TLCD2: variants seen among roughly 807,000 people sequenced by gnomAD.
The protein encoded by TLCD2 is TLC domain containing 2, also known as TLC domain-containing protein 2.
TLCD2 carries 12 observed loss-of-function variants against 14.0 expected under a neutral mutation model. That is an observed-to-expected ratio of 0.86 (90% confidence interval 0.55 to 1.39). The LOEUF (loss-of-function observed/expected upper bound fraction) is 1.39. Ranked by LOEUF, TLCD2 falls within the 40% of genes most tolerant of loss-of-function variation. TLCD2 has a pLI of 0.00. For missense variants in TLCD2, 360 were observed against 346.8 expected (o/e 1.04, Z -0.30); for synonymous variants, 166 against 156.5 (o/e 1.06, Z -0.45).
Position 1,708,200 on chromosome 17 carries a change from G to A in TLCD2, c.365C>T (p.Ala122Val). The A allele has an allele frequency of 6.5e-7, 1 of 1,531,510 alleles. No homozygotes were observed. Among genetic ancestry groups the A allele is most frequent in the Non-Finnish European group, 8.7e-7 (1 of 1,143,778 alleles). The allele number at this position is 1,531,510 out of a possible 1,614,324, so 94.9% of individuals were successfully genotyped here. The change falls in exon 4 of 4, where the codon GCT becomes GTT. Residue 122 changes from alanine (A) to valine (V), a missense_variant. Ala to Val is a moderately conservative substitution (Grantham distance 64). Transcript: ENST00000330676. ...GCCCACGTAGTGGCCAGACAGAACA[G>A]CGGTGCTGAGGCAGCTCACCACCTG... ...HLVVVSCLST[A>V]VLSGHYVGFS...
chr17:1,708,928 T>C (rs927468314), intron 3 of TLCD2, among the ~76,000 whole-genome samples: 3 of 152,078 alleles, frequency 2.0e-5, no homozygotes, highest in Non-Finnish European at 4.4e-5. Flanking sequence ...CCTGGCATGG[T>C]GGGTGCCCTT....
At chr17:1,709,345 G>A (rs904539839) in intron 3 of TLCD2, among the ~76,000 whole-genome samples, 154 bp downstream of exon 3, 8 of 127,920 alleles carry the variant, frequency 6.3e-5, no homozygotes, top group Non-Finnish European at 1.1e-4. Context: ...AACAGAGGCC[G>A]AACCACTGGA....
At position 1,709,538 on chromosome 17, in the gene TLCD2, G is replaced by A; in HGVS notation, c.303C>T (p.Thr101=). Reference sequence around the variant, plus strand: ...AGAGAAGATCCCAGGTCTTGCCCAAGGTCTGGTTCCACAGCAGGTCAGCTC... The same window carrying A: ...AGAGAAGATCCCAGGTCTTGCCCAAAGTCTGGTTCCACAGCAGGTCAGCTC... ...ADGADLLWNQ[T]LGKTWDLLCH... Residue 101 remains threonine, a synonymous_variant, in exon 3 of 4, where the codon ACC becomes ACT. Coordinates refer to ENST00000330676, the MANE Select transcript of TLCD2 (RefSeq NM_001164407.2). 1 of 1,537,134 alleles carries A rather than the reference G, an allele frequency of 6.5e-7. No individual in the cohort carries two copies. The highest frequency in any genetic ancestry group is 8.7e-7 in the Non-Finnish European group (1 of 1,146,886).
rs938325559 is a variant in TLCD2 at position 1,710,207 on chromosome 17, G to A, written c.36C>T (p.Ser12=). The A allele has an allele frequency of 1.5e-5, 23 of 1,526,692 alleles. No homozygotes were observed. Among genetic ancestry groups the A allele is most frequent in the Admixed American group, 2.0e-5 (1 of 50,630 alleles). The allele number at this position is 1,526,692 out of a possible 1,614,324, so 94.6% of individuals were successfully genotyped here. The part of the protein sequence containing the change: ...APTGLLVAGA[S]FLAFRGLHWG... ...AGTGCAGCCCCCGGAACGCGAGGAA[G>A]GAGGCGCCGGCCACCAGGAGCCCCG... The change falls in exon 1 of 4, where the codon TCC becomes TCT. Residue 12 remains serine, a synonymous_variant. Coordinates refer to ENST00000330676, the MANE Select transcript of TLCD2 (RefSeq NM_001164407.2). This position sits in a 1 kb window ranked among gnomAD's most constrained non-coding sequence, Gnocchi z 6.1.
At position 1,703,977 on chromosome 17, in the gene TLCD2, T is replaced by C. The variant is rs984284481; in HGVS notation, c.*3793A>G. On this transcript the variant is annotated 3_prime_UTR_variant, in exon 4 of 4. Coordinates refer to ENST00000330676, the MANE Select transcript of TLCD2 (RefSeq NM_001164407.2). ...TGTTGGCTCACGCATATAATCCCAG[T>C]AGTTTGGGAGCCCAAGGTGGGCGGA... is the stretch of plus-strand genomic sequence containing the variant. 42 of 151,482 alleles carry C rather than the reference T, an allele frequency of 2.8e-4. No homozygotes were observed. Among genetic ancestry groups the C allele is most frequent in the African/African-American group, 9.7e-4 (40 of 41,326 alleles). The allele number at this position is 151,482 out of a possible 1,614,324, so 9.4% of individuals were successfully genotyped here. A position where few individuals can be genotyped will look rare whatever the true frequency, so the allele number is the denominator to read the frequency against.
chr17:1,710,318 C>G lies in TLCD2; in HGVS notation c.-76G>C, dbSNP rs1914189937. The G allele has an allele frequency of 7.5e-7, 1 of 1,333,332 alleles. No individual in the cohort carries two copies. Among genetic ancestry groups the G allele is most frequent in the Admixed American group, 3.4e-5 (1 of 29,764 alleles). The allele number at this position is 1,333,332 out of a possible 1,614,324, so 82.6% of individuals were successfully genotyped here. Reference sequence around the variant, plus strand: ...CCGCGCTCTCGGCCGGGACTGGGAACCCGTTTCCCGGCAGGGCTGGGGCCC... The same window carrying G: ...CCGCGCTCTCGGCCGGGACTGGGAAGCCGTTTCCCGGCAGGGCTGGGGCCC... On this transcript the variant is annotated 5_prime_UTR_variant, in exon 1 of 4. Transcript: ENST00000330676. The surrounding 1 kb of genome is among the most constrained non-coding windows in gnomAD (Gnocchi z 6.1).
Position 1,708,085 on chromosome 17 carries a change from C to G in TLCD2, c.480G>C (p.Leu160=), listed in dbSNP as rs1207119352. The change falls in exon 4 of 4, where the codon CTG becomes CTC. Residue 160 remains leucine, a synonymous_variant. Coordinates refer to ENST00000330676, the MANE Select transcript of TLCD2 (RefSeq NM_001164407.2). ...AGGCCCAGCTGGTCACGCTGAAGGC[C>G]AGGGATGGGGCCTGGCGAGAAAGCA... is the stretch of plus-strand genomic sequence containing the variant. ...LLLLSRQAPS[L]AFSVTSWASL... is the part of the protein sequence containing the mutation. 6.5e-7 allele frequency: 1 copy of G among 1,537,176 alleles called. No individual in the cohort carries two copies. Among genetic ancestry groups the G allele is most frequent in the Middle Eastern group, 1.7e-4 (1 of 5,990 alleles).
rs775012925 is a variant in TLCD2, at chr17:1,710,120, G to A, written c.123C>T (p.Asn41=). 1.4e-3 allele frequency: 2,131 copies of A among 1,533,544 alleles called. 2 individuals carry two copies. The highest frequency in any genetic ancestry group is 4.5e-3 in the Middle Eastern group (22 of 4,892). 95.0% of individuals were successfully genotyped at this position (1,533,544 alleles called of 1,614,324 possible). The change falls in exon 1 of 4, where the codon AAC becomes AAT. Residue 41 remains asparagine (N), a synonymous_variant. Coordinates refer to ENST00000330676, the MANE Select transcript of TLCD2 (RefSeq NM_001164407.2). The surrounding 1 kb of genome is among the most constrained non-coding windows in gnomAD (Gnocchi z 6.1). ...SAARDRWQWW[N]LCVSLAHSLL... is the part of the protein sequence containing the mutation. Reference sequence around the variant, plus strand: ...GGCTGTGCGCCAGGGAGACGCAGAGGTTCCACCACTGCCAGCGGTCCCGAG... The same window carrying A: ...GGCTGTGCGCCAGGGAGACGCAGAGATTCCACCACTGCCAGCGGTCCCGAG...
At chr17:1,708,310 A>G (rs973031082) in intron 3 of TLCD2, 88 bp from the exon 4 acceptor site, 4 of 1,072,518 alleles carry the variant, frequency 3.7e-6, no homozygotes, top group Admixed American at 5.6e-5. Context: ...AGAGGCTTCC[A>G]CGCAGTCTGT....
chr17:1,710,197 A>G lies in TLCD2; in HGVS notation c.46T>C (p.Phe16Leu). ...LLVAGASFLAFRGLHWGLRRL... is the reference protein window; with the variant it reads ...LLVAGASFLALRGLHWGLRRL... ...CGCAACCCCCAGTGCAGCCCCCGGA[A>G]CGCGAGGAAGGAGGCGCCGGCCACC... Residue 16 changes from phenylalanine (F) to leucine (L), a missense_variant, in exon 1 of 4, where the codon TTC becomes CTC. Coordinates refer to ENST00000330676, the MANE Select transcript of TLCD2 (RefSeq NM_001164407.2). The surrounding 1 kb of genome is among the most constrained non-coding windows in gnomAD (Gnocchi z 6.1). 1 of 1,528,216 alleles carries G rather than the reference A, an allele frequency of 6.5e-7. No individual in the cohort carries two copies. Among genetic ancestry groups the G allele is most frequent in the Non-Finnish European group, 8.7e-7 (1 of 1,144,250 alleles). 94.7% of individuals were successfully genotyped at this position (1,528,216 alleles called of 1,614,324 possible).
chr17:1,709,930 T>G, intron 1 of TLCD2, 44 bp from the exon 2 acceptor site: 2 of 1,513,376 alleles, frequency 1.3e-6, no homozygotes, highest in Non-Finnish European at 8.9e-7. Flanking sequence ...ATGGTCAGCC[T>G]CTCGAGGCCC....
At chr17:1,709,634 G>C (rs1196475880) in intron 2 of TLCD2, 53 bp from the exon 3 acceptor site, 1 of 1,486,610 alleles carries the variant, frequency 6.7e-7, no homozygotes, top group South Asian at 1.2e-5. Context: ...GCAGCTTAGA[G>C]AGGATTTCCA....
chr17:1,710,327 C>G lies in TLCD2; in HGVS notation c.-85G>C. Reference sequence around the variant, plus strand: ...CGGCCGGGACTGGGAACCCGTTTCCCGGCAGGGCTGGGGCCCCGGCTCCCC... The same window carrying G: ...CGGCCGGGACTGGGAACCCGTTTCCGGGCAGGGCTGGGGCCCCGGCTCCCC... On this transcript the variant is annotated 5_prime_UTR_variant, in exon 1 of 4. Transcript: ENST00000330676. The surrounding 1 kb of genome is among the most constrained non-coding windows in gnomAD (Gnocchi z 6.1). 9.2e-6 allele frequency: 12 copies of G among 1,307,294 alleles called. No homozygotes were observed. The highest frequency in any genetic ancestry group is 1.1e-5 in the Non-Finnish European group (11 of 1,004,946). 81.0% of individuals were successfully genotyped at this position (1,307,294 alleles called of 1,614,324 possible). A position where few individuals can be genotyped will look rare whatever the true frequency, so the allele number is the denominator to read the frequency against.
At chr17:1,709,922 G>T in intron 1 of TLCD2, 36 bp from the exon 2 acceptor site, 11 of 1,511,416 alleles carry the variant, frequency 7.3e-6, no homozygotes, top group Non-Finnish European at 9.8e-6. Context: ...GGGGGGGCAT[G>T]GTCAGCCTCT....
Position 1,708,091 on chromosome 17 carries a change from T to G in TLCD2, c.474A>C (p.Pro158=). ...RKLLLLSRQA[P]SLAFSVTSWA... is the part of the protein sequence containing the mutation. ...AGCTGGTCACGCTGAAGGCCAGGGATGGGGCCTGGCGAGAAAGCAACAGCA... is the reference window on the plus strand; with the variant it reads ...AGCTGGTCACGCTGAAGGCCAGGGAGGGGGCCTGGCGAGAAAGCAACAGCA... The change falls in exon 4 of 4, where the codon CCA becomes CCC. Residue 158 remains proline (P), a synonymous_variant. Coordinates refer to ENST00000330676, the MANE Select transcript of TLCD2 (RefSeq NM_001164407.2). 6.5e-7 allele frequency: 1 copy of G among 1,537,070 alleles called. No homozygotes were observed. Among genetic ancestry groups the G allele is most frequent in the Non-Finnish European group, 8.7e-7 (1 of 1,146,890 alleles).
chr17:1,709,915 G>C, intron 1 of TLCD2, 29 bp from the exon 2 acceptor site: 1 of 1,523,102 alleles, frequency 6.6e-7, no homozygotes, highest in Non-Finnish European at 8.8e-7. Context: ...GACATGGGGG[G>C]GGGCATGGTC....
intron 3 of TLCD2, among the ~76,000 whole-genome samples, chr17:1,708,865 C>T (rs1914127287): frequency 6.6e-6 from 1 of 152,200 alleles, no homozygotes; most frequent in African/African-American, 2.4e-5. Context: ...TTTCTGTGAT[C>T]AGCTGGACAC....
Position 1,709,540 on chromosome 17 carries a change from T to C in TLCD2, c.301A>G (p.Thr101Ala), listed in dbSNP as rs779865030. 95 of 1,536,694 alleles carry C rather than the reference T, an allele frequency of 6.2e-5. No individual in the cohort carries two copies. Among genetic ancestry groups the C allele is most frequent in the Middle Eastern group, 1.7e-4 (1 of 6,012 alleles). ...AGAAGATCCCAGGTCTTGCCCAAGGTCTGGTTCCACAGCAGGTCAGCTCCG... is the reference window on the plus strand; with the variant it reads ...AGAAGATCCCAGGTCTTGCCCAAGGCCTGGTTCCACAGCAGGTCAGCTCCG... ...ADGADLLWNQ[T>A]LGKTWDLLCH... Residue 101 changes from threonine to alanine, a missense_variant, in exon 3 of 4, where the codon ACC becomes GCC. Coordinates refer to ENST00000330676, the MANE Select transcript of TLCD2 (RefSeq NM_001164407.2).
Position 1,707,072 on chromosome 17 carries a change from C to T in TLCD2, c.*698G>A, listed in dbSNP as rs893931669. ...GTCACAGCTACTCGGGAGGCTAAGGCAGGACAATCACTTGAACCCAGGAGG... is the reference window on the plus strand; with the variant it reads ...GTCACAGCTACTCGGGAGGCTAAGGTAGGACAATCACTTGAACCCAGGAGG... On this transcript the variant is annotated 3_prime_UTR_variant, in exon 4 of 4. Transcript: ENST00000330676. 3.3e-5 allele frequency: 5 copies of T among 151,990 alleles called. No individual in the cohort carries two copies. Among genetic ancestry groups the T allele is most frequent in the Admixed American group, 2.6e-4 (4 of 15,240 alleles). 9.4% of individuals were successfully genotyped at this position (151,990 alleles called of 1,614,324 possible). A position where few individuals can be genotyped will look rare whatever the true frequency, so the allele number is the denominator to read the frequency against.
Sources: allele counts gnomAD v4.1 joint callset (sites outside exome capture counted in the v4.1 genomes callset), GRCh38; gene constraint gnomAD v4.1.1; non-coding constraint Gnocchi (gnomAD v3.1); transcripts MANE v1.5; gene names NCBI Gene and HGNC (gene_info 2026-07-23, HGNC 2026-07-21).